DST: variants seen among roughly 807,000 people sequenced by gnomAD.
The protein encoded by DST is bullous pemphigoid antigen.
In DST, 253 loss-of-function variants were observed where a neutral mutation model predicts 875.2. The ratio of observed to expected loss-of-function variants is 0.29; its 90% confidence interval spans 0.26 to 0.32. The LOEUF (loss-of-function observed/expected upper bound fraction) is 0.32. Among genes scored for constraint, DST ranks in the 10% least tolerant of loss-of-function variants. The probability of loss-of-function intolerance (pLI) is 1.00; values close to 1 mark genes in which losing one functional copy is unlikely to be tolerated. For missense variants in DST, 8,287 were observed against 9,111.6 expected, an observed-to-expected ratio of 0.91 and a Z score of 3.68; for synonymous variants, 3,124 against 3,197.1, an observed-to-expected ratio of 0.98 and a Z score of 0.77.
intron 4 of DST, among the ~76,000 whole-genome samples, chr6:56,765,548 C>T (rs969258905): frequency 3.3e-5 from 5 of 152,118 alleles, no homozygotes; most frequent in Non-Finnish European, 7.3e-5. Flanking sequence ...AATAAACGTA[C>T]AGTGCAGAGG....
chr6:56,624,363 C>A, intron 36 of DST, 167 bp downstream of exon 36: 1 of 694,498 alleles, frequency 1.4e-6, no homozygotes, highest in Admixed American at 2.0e-5. Flanking sequence ...AAATCTTAGG[C>A]CTTCAGTCAT....
At chr6:56,778,292 T>C (rs754508089) in intron 4 of DST, among the ~76,000 whole-genome samples, 22 of 151,176 alleles carry the variant, frequency 1.5e-4, no homozygotes, top group Admixed American at 2.6e-4. Flanking sequence ...GGCAGAAATA[T>C]TGCAAGAGGA....
intron 2 of DST, among the ~76,000 whole-genome samples, chr6:56,918,970 A>T (rs1048519093): frequency 1.3e-5 from 2 of 152,086 alleles, no homozygotes; most frequent in African/African-American, 4.8e-5. Flanking sequence ...CTGAATTTTT[A>T]AATTATTTTT....
At chr6:56,669,102 A>G (rs999635013) in intron 10 of DST, among the ~76,000 whole-genome samples, 1 of 152,052 alleles carries the variant, frequency 6.6e-6, no homozygotes, top group South Asian at 2.1e-4. Flanking sequence ...GAACACGAGT[A>G]TAGCATTTAA....
intron 55 of DST, among the ~76,000 whole-genome samples, chr6:56,564,820 A>G (rs1184418274): frequency 1.3e-5 from 2 of 152,164 alleles, no homozygotes; most frequent in African/African-American, 4.8e-5. Context: ...GCATCTATTG[A>G]GATAATAATG....
At chr6:56,548,370 T>C (rs766128280) in intron 61 of DST, among the ~76,000 whole-genome samples, 2 of 152,228 alleles carry the variant, frequency 1.3e-5, no homozygotes, top group Non-Finnish European at 2.9e-5. Flanking sequence ...ATCAAGTCTC[T>C]TTGATTTTCA....
At chr6:56,657,955 G>A (rs1450916186) in intron 10 of DST, among the ~76,000 whole-genome samples, 3 of 151,874 alleles carry the variant, frequency 2.0e-5, no homozygotes, top group Non-Finnish European at 4.4e-5. Flanking sequence ...TAGTAAAGAC[G>A]GGGTTTCGCC....
chr6:56,506,363 G>T, intron 77 of DST, 80 bp downstream of exon 77: 1 of 1,117,310 alleles, frequency 9.0e-7, no homozygotes, highest in South Asian at 1.7e-5. Context: ...CAGATCTTGA[G>T]GTGGTGCCAA....
chr6:56,606,894 T>C lies in DST; in HGVS notation c.7734A>G (p.Thr2578=). Residue 2578 remains threonine, a synonymous_variant, in exon 40 of 104, where the codon ACA becomes ACG. Transcript: ENST00000680361. The part of the protein sequence containing the change: ...DNAIVSLTCA[T]PLLDETISAS... Reference sequence around the variant, plus strand: ...CACTGATGGTTTCATCAAGCAATGGTGTAGCACAAGTAAGAGACACAATGG... The same window carrying C: ...CACTGATGGTTTCATCAAGCAATGGCGTAGCACAAGTAAGAGACACAATGG... 6.2e-7 allele frequency: 1 copy of C among 1,613,434 alleles called. No individual in the cohort carries two copies. Among genetic ancestry groups the C allele is most frequent in the South Asian group, 1.1e-5 (1 of 91,068 alleles).
At chr6:56,735,392 C>T (rs1322402459) in intron 4 of DST, 103 bp from the exon 5 acceptor site, 1 of 746,154 alleles carries the variant, frequency 1.3e-6, no homozygotes, top group Admixed American at 2.7e-5. Context: ...AAAAGATATG[C>T]TTCAGTGTAT....
Position 56,891,565 on chromosome 6 carries a change from CAAAA to C in DST, c.417+8852_417+8855del, listed in dbSNP as rs531964301. Among the ~76,000 whole-genome samples the C allele has an allele frequency of 3.4e-3, 215 of 62,666 alleles. 1 individual carries two copies. The highest frequency in any genetic ancestry group is 0.026 in the Middle Eastern group (2 of 78). The allele number at this position is 62,666 out of a possible 152,430, so 41.1% of individuals were successfully genotyped here. A position where few individuals can be genotyped will look rare whatever the true frequency, so the allele number is the denominator to read the frequency against. ...TGGGCGACAGAGTGAGACTCCGTCT[CAAAA>C]AAAAAAAAAAAAAAAAAAATTAGCC... On this transcript the variant is annotated intron_variant, in intron 3 of 103. Transcript: ENST00000680361.
At chr6:56,503,735 C>T (rs2096222163) in intron 78 of DST, among the ~76,000 whole-genome samples, 1 of 151,548 alleles carries the variant, frequency 6.6e-6, no homozygotes, top group Non-Finnish European at 1.5e-5. Flanking sequence ...TTGTTTTTCT[C>T]CTTTTTATTT....
At chr6:56,782,541 T>C (rs2099696259) in intron 4 of DST, among the ~76,000 whole-genome samples, 3 of 152,232 alleles carry the variant, frequency 2.0e-5, no homozygotes, top group Non-Finnish European at 4.4e-5. Context: ...CTGATGGTAG[T>C]TTGTATTTCT....
intron 4 of DST, among the ~76,000 whole-genome samples, chr6:56,779,924 G>A (rs2099689022): frequency 7.9e-6 from 1 of 127,278 alleles, no homozygotes; most frequent in African/African-American, 3.1e-5. Context: ...CCCTTCCTGT[G>A]TCCATGTGTT....
At position 56,506,580 on chromosome 6, in the gene DST, ATT is replaced by A. The variant is rs1562434213; in HGVS notation, c.19363-38_19363-37del. ...TATGTTAGAATTCTTTTAGTGCCATATTTTAAACTTTCAACTACTGTTAACAA... is the reference window on the plus strand; with the variant it reads ...TATGTTAGAATTCTTTTAGTGCCATATTAAACTTTCAACTACTGTTAACAA... On this transcript the variant is annotated intron_variant, in intron 76 of 103. Transcript: ENST00000680361. The A allele has an allele frequency of 2.5e-6, 4 of 1,608,316 alleles. No homozygotes were observed. In the South Asian group the frequency reaches 4.4e-5, roughly 18 times the overall value.
chr6:56,827,756 T>C (rs1023922933), intron 4 of DST, among the ~76,000 whole-genome samples: 4 of 151,964 alleles, frequency 2.6e-5, no homozygotes, highest in Admixed American at 1.3e-4. Context: ...CCAGAAGAAA[T>C]AGAACTAAGC....
intron 4 of DST, among the ~76,000 whole-genome samples, chr6:56,830,721 G>A (rs895522190): frequency 1.3e-5 from 2 of 152,182 alleles, no homozygotes; most frequent in African/African-American, 4.8e-5. Context: ...GTTTATGGAC[G>A]TGGTAGCCCA....
At chr6:56,652,773 GT>G (rs1360684026) in intron 10 of DST, among the ~76,000 whole-genome samples, 4 of 152,094 alleles carry the variant, frequency 2.6e-5, no homozygotes, top group Non-Finnish European at 5.9e-5. Context: ...ATCCTTTAAT[GT>G]TTTCAACCTG....
At chr6:56,686,128 A>C (rs1050402701) in intron 9 of DST, among the ~76,000 whole-genome samples, 1 of 152,226 alleles carries the variant, frequency 6.6e-6, no homozygotes, top group African/African-American at 2.4e-5. Context: ...AAAATGAAAA[A>C]GCAAAATCAT....
Sources: gnomAD v4.1 joint callset for allele counts (sites outside exome capture counted in the v4.1 genomes callset) on GRCh38, gnomAD v4.1.1 for gene constraint, MANE v1.5 for transcripts, NCBI Gene and HGNC (gene_info 2026-07-23, HGNC 2026-07-21) for gene names.